Variants in BRPF1 observed in about 807,000 individuals in gnomAD.
BRPF1 encodes peregrin.
Under a neutral mutation model 115.0 loss-of-function variants are expected in BRPF1, and 15 were observed. That is an observed-to-expected ratio of 0.13 (90% CI 0.09 to 0.20). The LOEUF (loss-of-function observed/expected upper bound fraction) is 0.20, where lower values mean the gene tolerates loss of function less well. Among genes scored for constraint, BRPF1 ranks in the 10% least tolerant of loss-of-function variants. The pLI, the probability that BRPF1 is intolerant of heterozygous loss-of-function variation, is 1.00. For missense variants in BRPF1, 1,118 were observed against 1,638.3 expected (o/e 0.68, Z 5.48); for synonymous variants, 647 against 619.8 (o/e 1.04, Z -0.65).
chr3:9,741,439 G>C lies in BRPF1; in HGVS notation c.1854G>C (p.Thr618=). 1 of 1,586,630 alleles carries C rather than the reference G, an allele frequency of 6.3e-7. No individual in the cohort carries two copies. Among genetic ancestry groups the C allele is most frequent in the Non-Finnish European group, 8.6e-7 (1 of 1,164,262 alleles). The part of the protein sequence containing the change: ...IRKREKLKRE[T]IKVQQIAMEM... ...AGCGGGAAAAACTCAAAAGGGAGAC[G>C]GTGAGTGCTCCTGGGCCAGCCCTAT... Residue 618 remains threonine, a splice_region_variant and synonymous_variant, in exon 5 of 14, where the codon ACG becomes ACC. Coordinates refer to ENST00000383829, the MANE Select transcript of BRPF1 (RefSeq NM_001003694.2).
chr3:9,738,644 T>C (rs1458758715), intron 2 of BRPF1, among the ~76,000 whole-genome samples: 3 of 152,182 alleles, frequency 2.0e-5, no homozygotes, highest in Non-Finnish European at 2.9e-5. Flanking sequence ...CTGCCCCACC[T>C]TCCTCCTTTT....
In BRPF1 at chr3:9,747,427, G is replaced by A. The variant is rs1004910586; in HGVS notation, c.*78G>A. 19 of 1,542,694 alleles carry A rather than the reference G, an allele frequency of 1.2e-5. No homozygotes were observed. The highest frequency in any genetic ancestry group is 1.7e-5 in the Admixed American group (1 of 57,568). On this transcript the variant is annotated 3_prime_UTR_variant, in exon 14 of 14. Transcript: ENST00000383829. This position sits in a 1 kb window ranked among gnomAD's most constrained non-coding sequence, Gnocchi z 5.6. Reference sequence around the variant, plus strand: ...TTGCTCACTGTCCTGGAGTGGCACCGGCCTCTGCACTGACTCATTTCTGGT... The same window carrying A: ...TTGCTCACTGTCCTGGAGTGGCACCAGCCTCTGCACTGACTCATTTCTGGT...
Position 9,745,304 on chromosome 3 carries a change from AATCAGTGTT to A in BRPF1, c.3068+151_3068+159del. 1 of 1,078,112 alleles carries A rather than the reference AATCAGTGTT, an allele frequency of 9.3e-7. No individual in the cohort carries two copies. Among genetic ancestry groups the A allele is most frequent in the Admixed American group, 2.9e-5 (1 of 34,742 alleles). 66.8% of individuals were successfully genotyped at this position (1,078,112 alleles called of 1,614,324 possible). ...CTCAAGGTTCTCTGCTAAATAAATA[AATCAGTGTT>A]ACCATTAATAGAACAGAGAGAACCA... On this transcript the variant is annotated intron_variant, in intron 10 of 13. Coordinates refer to ENST00000383829, the MANE Select transcript of BRPF1 (RefSeq NM_001003694.2). This position sits in a 1 kb window ranked among gnomAD's most constrained non-coding sequence, Gnocchi z 5.1.
chr3:9,741,480 AC>A, intron 5 of BRPF1, 41 bp downstream of exon 5: 2 of 1,511,616 alleles, frequency 1.3e-6, no homozygotes, highest in East Asian at 2.4e-5. Flanking sequence ...AAAAGAAAAA[AC>A]AAAAAATTAG....
In BRPF1 at chr3:9,744,395, C is replaced by G. The variant is rs559517241; in HGVS notation, c.2807C>G (p.Pro936Arg). The G allele has an allele frequency of 1.6e-5, 25 of 1,610,716 alleles. No homozygotes were observed. Among genetic ancestry groups the G allele is most frequent in the Middle Eastern group, 1.7e-4 (1 of 6,022 alleles). The change falls in exon 9 of 14, where the codon CCC (proline) becomes CGC (arginine). Residue 936 changes from proline to arginine, a missense_variant. Physicochemically the swap from Pro to Arg is moderately radical, Grantham distance 103. Transcript: ENST00000383829. Reference protein sequence around the residue: ...TPSHGGSPVGPPQLPIMSSLR... With the variant: ...TPSHGGSPVGRPQLPIMSSLR... ...AGCCACGGAGGCAGTCCTGTGGGGC[C>G]CCCCCAGCTCCCCATCATGAGTTCC...
intron 12 of BRPF1, among the ~76,000 whole-genome samples, 157 bp from the exon 13 acceptor site, chr3:9,746,143 T>C (rs2077121967): frequency 6.6e-6 from 1 of 152,134 alleles, no homozygotes; most frequent in South Asian, 2.1e-4. Context: ...GGCTCTGAAA[T>C]AATTTAGCAT....
chr3:9,739,005 C>T lies in BRPF1; in HGVS notation c.606C>T (p.Ile202=), dbSNP rs1441512600. ...TTCCCTGTTTGTACCGTAGGTACAT[C>T]GAGAAGTCTGCAGAGGAGCTGGACG... The part of the protein sequence containing the change: ...PPRPTSYYRY[I]EKSAEELDEE... The change falls in exon 3 of 14, where the codon ATC becomes ATT. Residue 202 remains isoleucine, a synonymous_variant. Transcript: ENST00000383829. The T allele has an allele frequency of 7.0e-6, 11 of 1,562,330 alleles. No individual in the cohort carries two copies. Among genetic ancestry groups the T allele is most frequent in the Non-Finnish European group, 8.7e-6 (10 of 1,152,176 alleles).
Position 9,734,470 on chromosome 3 carries a change from C to G in BRPF1, c.330C>G (p.Ile110Met). 1 of 1,614,158 alleles carries G rather than the reference C, an allele frequency of 6.2e-7. No homozygotes were observed. The highest frequency in any genetic ancestry group is 8.5e-7 in the Non-Finnish European group (1 of 1,180,046). ...EVDLHGRVHR[I>M]SIFDNLDVVS... ...ACTTGCATGGCCGCGTCCACCGCATCAGCATCTTTGACAACCTGGATGTGG... is the reference window on the plus strand; with the variant it reads ...ACTTGCATGGCCGCGTCCACCGCATGAGCATCTTTGACAACCTGGATGTGG... Residue 110 changes from isoleucine to methionine, a missense_variant, in exon 2 of 14, where the codon ATC becomes ATG. This residue lies in a region of BRPF1 where 280 missense variants were observed against 382.8 expected (regional missense o/e 0.73). Coordinates refer to ENST00000383829, the MANE Select transcript of BRPF1 (RefSeq NM_001003694.2). The surrounding 1 kb of genome is among the most constrained non-coding windows in gnomAD (Gnocchi z 5.7).
At chr3:9,742,205 C>T (rs374820184) in intron 6 of BRPF1, 34 bp downstream of exon 6, 2 of 1,609,936 alleles carry the variant, frequency 1.2e-6, no homozygotes, top group Non-Finnish European at 1.7e-6. Context: ...CACCTTCTCT[C>T]TGTTCCTCTC....
Position 9,734,784 on chromosome 3 carries a change from G to C in BRPF1, c.599+45G>C. The C allele has an allele frequency of 1.3e-6, 2 of 1,598,974 alleles. No individual in the cohort carries two copies. Among genetic ancestry groups the C allele is most frequent in the South Asian group, 1.1e-5 (1 of 90,136 alleles). On this transcript the variant is annotated intron_variant, in intron 2 of 13. Coordinates refer to ENST00000383829, the MANE Select transcript of BRPF1 (RefSeq NM_001003694.2). This position sits in a 1 kb window ranked among gnomAD's most constrained non-coding sequence, Gnocchi z 5.7. ...GCAGCTCTGGAAAACTGGTCAAGCA[G>C]GGCTCACTAGCCAGAGAGAGGTGAG...
At chr3:9,740,727 C>T in intron 3 of BRPF1, 52 bp from the exon 4 acceptor site, 1 of 1,601,992 alleles carries the variant, frequency 6.2e-7, no homozygotes, top group Non-Finnish European at 8.5e-7. Flanking sequence ...CCTTGCTCTG[C>T]TTAAGAGAAT....
chr3:9,740,739 A>G, intron 3 of BRPF1, 40 bp from the exon 4 acceptor site: 10 of 1,606,766 alleles, frequency 6.2e-6, no homozygotes, highest in Non-Finnish European at 7.7e-6. Flanking sequence ...TAAGAGAATC[A>G]GGGCCCAACA....
rs2077075991 is a variant in BRPF1, at chr3:9,743,874, G to C, written c.2608G>C (p.Glu870Gln). The C allele has an allele frequency of 6.3e-7, 1 of 1,585,930 alleles. No individual in the cohort carries two copies. The highest frequency in any genetic ancestry group is 2.3e-5 in the East Asian group (1 of 44,424). The change falls in exon 8 of 14, where the codon GAG becomes CAG. Residue 870 changes from glutamate to glutamine, a missense_variant. This residue lies in a region of BRPF1 where 223 missense variants were observed against 240.7 expected (regional missense o/e 0.93). Coordinates refer to ENST00000383829, the MANE Select transcript of BRPF1 (RefSeq NM_001003694.2). This position sits in a 1 kb window ranked among gnomAD's most constrained non-coding sequence, Gnocchi z 6.1. ...TGGGCAGACAGATAGTGCGGCAGAGGAGAGCAGCAGCCAGGAGACAAGCAA... is the reference window on the plus strand; with the variant it reads ...TGGGCAGACAGATAGTGCGGCAGAGCAGAGCAGCAGCCAGGAGACAAGCAA... ...KDGQTDSAAE[E>Q]SSSQETSKGL...
intron 4 of BRPF1, 56 bp from the exon 5 acceptor site, chr3:9,741,252 G>A (rs987085646): frequency 3.5e-5 from 53 of 1,521,192 alleles, no homozygotes; most frequent in Non-Finnish European, 4.5e-5. Flanking sequence ...TCTTCTCCCT[G>A]TTGACCTTTC....
rs2076913546 is a variant in BRPF1 at position 9,734,842 on chromosome 3, A to C, written c.599+103A>C. On this transcript the variant is annotated intron_variant, in intron 2 of 13. Transcript: ENST00000383829. This position sits in a 1 kb window ranked among gnomAD's most constrained non-coding sequence, Gnocchi z 5.7. The stretch of plus-strand genomic sequence containing the variant: ...GATAGAAGAGTGACAGGAATAAAGA[A>C]TAGTGAAAGAACACTGATTTTGCCA... 10 of 1,427,534 alleles carry C rather than the reference A, an allele frequency of 7.0e-6. No individual in the cohort carries two copies. In the South Asian group the frequency reaches 1.3e-4, roughly 19 times the overall value. The allele number at this position is 1,427,534 out of a possible 1,614,324, so 88.4% of individuals were successfully genotyped here.
chr3:9,738,694 G>A (rs1308045154), intron 2 of BRPF1, among the ~76,000 whole-genome samples: 3 of 152,356 alleles, frequency 2.0e-5, no homozygotes, highest in African/African-American at 7.2e-5. Flanking sequence ...CAAGAAGATG[G>A]TGTCACATAT....
chr3:9,742,069 C>T lies in BRPF1; in HGVS notation c.1899C>T (p.Phe633=). 6.2e-7 allele frequency: 1 copy of T among 1,614,200 alleles called. No homozygotes were observed. The highest frequency in any genetic ancestry group is 8.5e-7 in the Non-Finnish European group (1 of 1,180,036). The change falls in exon 6 of 14, where the codon TTC becomes TTT. Residue 633 remains phenylalanine (F), a synonymous_variant. Coordinates refer to ENST00000383829, the MANE Select transcript of BRPF1 (RefSeq NM_001003694.2). ...QIAMEMQLTP[F]LILLRKTLEQ... ...CCATGGAGATGCAGCTGACTCCTTT[C>T]CTCATCCTCCTTCGCAAAACCTTGG...
chr3:9,735,017 CT>C (rs781439048), intron 2 of BRPF1, among the ~76,000 whole-genome samples: 1,236 of 120,200 alleles, frequency 0.01, 12 homozygotes, highest in African/African-American at 0.037. Flanking sequence ...CAGATTTATC[CT>C]TTTTTTTTTT....
chr3:9,744,535 C>T (rs370812079), intron 9 of BRPF1, 27 bp downstream of exon 9: 65 of 1,475,592 alleles, frequency 4.4e-5, no homozygotes, highest in Non-Finnish European at 5.4e-5. Flanking sequence ...CCCAGCCCCC[C>T]AAGAGAGTGA....
Sources: allele counts gnomAD v4.1 joint callset (sites outside exome capture counted in the v4.1 genomes callset), GRCh38; gene constraint gnomAD v4.1.1; regional missense constraint gnomAD v4.1.1; non-coding constraint Gnocchi (gnomAD v3.1); transcripts MANE v1.5; gene names NCBI Gene and HGNC (gene_info 2026-07-23, HGNC 2026-07-21).